The following TTC7A variants were observed in gnomAD, a reference collection of about 807,000 sequenced individuals.
TTC7A encodes the protein tetratricopeptide repeat domain 7A.
A neutral mutation model predicts 103.7 loss-of-function variants in TTC7A; 110 were observed. The ratio of observed to expected loss-of-function variants is 1.06; its 90% confidence interval spans 0.91 to 1.24. The LOEUF is 1.24. Among genes scored for constraint, TTC7A ranks in the 50% most tolerant of loss-of-function variants. TTC7A has a pLI of 0.00. For synonymous variants in TTC7A, 521 were observed against 467.9 expected (o/e 1.11, Z -1.47); for missense variants, 1,340 against 1,116.3 (o/e 1.20, Z -2.86).
intron 2 of TTC7A, among the ~76,000 whole-genome samples, chr2:46,926,403 G>A (rs752223662): frequency 1.3e-5 from 2 of 152,184 alleles, no homozygotes; most frequent in Admixed American, 6.5e-5. Flanking sequence ...AATGGTAAAT[G>A]CTTGTTAGAG....
intron 16 of TTC7A, chr2:47,046,859 T>C (rs1398262096): frequency 4.3e-6 from 1 of 234,408 alleles, no homozygotes; most frequent in East Asian, 1.1e-4. Flanking sequence ...GGACTTGAAC[T>C]TGGGTCTCCT....
intron 2 of TTC7A, among the ~76,000 whole-genome samples, chr2:46,923,900 T>C (rs2103813309): frequency 6.6e-6 from 1 of 152,084 alleles, no homozygotes; most frequent in African/African-American, 2.4e-5. Context: ...GCCCAGCTAA[T>C]TTTCTTTGTA....
intron 8 of TTC7A, among the ~76,000 whole-genome samples, chr2:47,002,924 C>T (rs1476532423): frequency 6.6e-6 from 1 of 152,164 alleles, no homozygotes; most frequent in Admixed American, 6.5e-5. Context: ...CCTAGGACCC[C>T]CAGGGAGCCT....
In TTC7A at chr2:46,979,002, G is replaced by A. The variant is rs577015099; in HGVS notation, c.764+95G>A. 1,387 of 767,574 alleles carry A rather than the reference G, an allele frequency of 1.8e-3. 4 individuals carry two copies. Among genetic ancestry groups the A allele is most frequent in the Non-Finnish European group, 2.4e-3 (1,090 of 453,438 alleles). The allele number at this position is 767,574 out of a possible 1,614,324, so 47.5% of individuals were successfully genotyped here. A position where few individuals can be genotyped will look rare whatever the true frequency, so the allele number is the denominator to read the frequency against. On this transcript the variant is annotated intron_variant, in intron 5 of 19. Transcript: ENST00000319190. Reference sequence around the variant, plus strand: ...GGCTGCTCTCCCTCTTCTCTGGCCTGTGCATACGTGCTCTTCCAAGAGGAT... The same window carrying A: ...GGCTGCTCTCCCTCTTCTCTGGCCTATGCATACGTGCTCTTCCAAGAGGAT...
Position 47,046,508 on chromosome 2 carries a change from T to G in TTC7A, c.1919+77T>G, listed in dbSNP as rs1682339458. 2.6e-6 allele frequency: 3 copies of G among 1,139,676 alleles called. No homozygotes were observed. In the East Asian group the frequency reaches 7.1e-5, roughly 27 times the overall value. 70.6% of individuals were successfully genotyped at this position (1,139,676 alleles called of 1,614,324 possible). A position where few individuals can be genotyped will look rare whatever the true frequency, so the allele number is the denominator to read the frequency against. The stretch of plus-strand genomic sequence containing the variant: ...ACAATCCACAGCTGGGTGGCCACCA[T>G]GCCTGCCAAGATGGGGAGGAGAGTG... On this transcript the variant is annotated intron_variant, in intron 16 of 19. Coordinates refer to ENST00000319190, the MANE Select transcript of TTC7A (RefSeq NM_020458.4).
Position 46,956,922 on chromosome 2 carries a change from C to T in TTC7A, c.432C>T (p.Tyr144=), listed in dbSNP as rs767549499. 65 of 1,614,204 alleles carry T rather than the reference C, an allele frequency of 4.0e-5. No individual in the cohort carries two copies. The Middle Eastern group carries it at 4.9e-4, about 12-fold the overall frequency. The change falls in exon 3 of 20, where the codon TAC becomes TAT. Residue 144 remains tyrosine, a synonymous_variant. Transcript: ENST00000319190. ...CATACCGAGATGCCATCAGCATGTA[C>T]GCACGGGCCGGGATTGATGACATGT... ...EGSYRDAISM[Y]ARAGIDDMSM... is the part of the protein sequence containing the mutation.
At chr2:46,935,094 G>A (rs1014283314) in intron 2 of TTC7A, among the ~76,000 whole-genome samples, 4 of 152,028 alleles carry the variant, frequency 2.6e-5, no homozygotes, top group Admixed American at 1.3e-4. Flanking sequence ...CCACCACGCC[G>A]AGCCCTAAGA....
intron 5 of TTC7A, among the ~76,000 whole-genome samples, chr2:46,984,951 G>T (rs898896358): frequency 3.3e-5 from 5 of 152,142 alleles, no homozygotes; most frequent in African/African-American, 1.2e-4. Flanking sequence ...TGCACGGTGC[G>T]CTGACTCCCA....
chr2:46,988,033 G>C (rs1165495600), intron 5 of TTC7A, among the ~76,000 whole-genome samples: 1 of 152,152 alleles, frequency 6.6e-6, no homozygotes, highest in African/African-American at 2.4e-5. Flanking sequence ...CAAATCTGGG[G>C]TTCCAGGGCC....
At chr2:47,018,310 C>T (rs1678898196) in intron 11 of TTC7A, among the ~76,000 whole-genome samples, 1 of 149,000 alleles carries the variant, frequency 6.7e-6, no homozygotes, top group African/African-American at 2.5e-5. Context: ...TGGCCAGGCA[C>T]AGTGGCTCAC....
At chr2:46,950,254 C>T in intron 1 of TTC7A, 109 bp from the exon 2 acceptor site, 1 of 1,082,294 alleles carries the variant, frequency 9.2e-7, no homozygotes. Context: ...CAGACCTGAG[C>T]CATTCATGTA....
intron 10 of TTC7A, among the ~76,000 whole-genome samples, chr2:47,006,938 T>C (rs771375876): frequency 2.0e-5 from 3 of 152,122 alleles, no homozygotes; most frequent in Non-Finnish European, 4.4e-5. Context: ...TGTGCTGGTG[T>C]GAGTCTGTGG....
chr2:47,028,692 A>G (rs141276423), intron 14 of TTC7A, among the ~76,000 whole-genome samples: 48 of 152,308 alleles, frequency 3.2e-4, no homozygotes, highest in Admixed American at 1.3e-3. Flanking sequence ...CAGGCTTAAT[A>G]AATATTTGTT....
chr2:46,999,373 TTCCA>T, intron 8 of TTC7A: 1 of 349,404 alleles, frequency 2.9e-6, no homozygotes, highest in Non-Finnish European at 4.0e-6. Context: ...CCACCCATCA[TTCCA>T]TCCATCCCCC....
intron 19 of TTC7A, chr2:47,071,002 A>T (rs1162019922): frequency 6.6e-6 from 1 of 152,188 alleles, no homozygotes; most frequent in Admixed American, 6.5e-5. Context: ...CACTTGGGAC[A>T]TTTGGATGAA....
intron 3 of TTC7A, among the ~76,000 whole-genome samples, chr2:46,972,095 C>T (rs942828789): frequency 4.6e-5 from 7 of 151,944 alleles, no homozygotes; most frequent in Middle Eastern, 3.4e-3. Flanking sequence ...CTAGGTACTC[C>T]GTCTCTTTAA....
chr2:47,001,428 C>A (rs1030048229), intron 8 of TTC7A, among the ~76,000 whole-genome samples: 2 of 152,164 alleles, frequency 1.3e-5, no homozygotes, highest in South Asian at 2.1e-4. Context: ...TCCCTGGGAC[C>A]TTATGCAAGG....
rs1046263 is a variant in TTC7A at position 47,074,605 on chromosome 2, T to C, written c.*682T>C. 0.82 allele frequency: 124,599 copies of C among 152,664 alleles called. 50,877 individuals are homozygous for C. The highest frequency in any genetic ancestry group is 0.95 in the East Asian group (4,927 of 5,168). The allele number at this position is 152,664 out of a possible 1,614,324, so 9.5% of individuals were successfully genotyped here. A position where few individuals can be genotyped will look rare whatever the true frequency, so the allele number is the denominator to read the frequency against. On this transcript the variant is annotated 3_prime_UTR_variant, in exon 20 of 20. Transcript: ENST00000319190. ...CGTAGGCTTTAGATCCTGTGGTTGC[T>C]AGATCCAGTCCTTTCTAATACCCTG...
At chr2:47,061,200 G>T (rs980364611) in intron 19 of TTC7A, among the ~76,000 whole-genome samples, 1 of 152,178 alleles carries the variant, frequency 6.6e-6, no homozygotes, top group Non-Finnish European at 1.5e-5. Flanking sequence ...ATCAGGGTCT[G>T]TGTTGATGAC....
Sources: gnomAD v4.1 joint callset for allele counts (sites outside exome capture counted in the v4.1 genomes callset) on GRCh38, gnomAD v4.1.1 for gene constraint, MANE v1.5 for transcripts, NCBI Gene and HGNC (gene_info 2026-07-23, HGNC 2026-07-21) for gene names.